PTPRA: variants seen among roughly 807,000 people sequenced by gnomAD.
The protein encoded by PTPRA is protein tyrosine phosphatase receptor type A.
Under a neutral mutation model 104.8 loss-of-function variants are expected in PTPRA, and 25 were observed. The ratio of observed to expected loss-of-function variants is 0.24; its 90% CI spans 0.17 to 0.33. PTPRA has a LOEUF of 0.33. Among genes scored for constraint, PTPRA ranks in the 10% least tolerant of loss-of-function variants. The pLI, the probability that PTPRA is intolerant of heterozygous loss-of-function variation, is 1.00. For synonymous variants in PTPRA, 323 were observed against 368.9 expected (o/e 0.88, Z 1.43); for missense variants, 765 against 1,015.3 (o/e 0.75, Z 3.35).
At chr20:3,027,632 C>G in intron 19 of PTPRA, 75 bp from the exon 20 acceptor site, 3 of 1,547,218 alleles carry the variant, frequency 1.9e-6, no homozygotes, top group Non-Finnish European at 2.6e-6. Flanking sequence ...CCATTCCCTT[C>G]TAGTGGTCTG....
intron 9 of PTPRA, among the ~76,000 whole-genome samples, chr20:3,003,873 A>G (rs1038747295): frequency 5.3e-5 from 8 of 151,340 alleles, no homozygotes; most frequent in African/African-American, 1.7e-4. Flanking sequence ...TTTTGAATAT[A>G]TGAAACATAC....
intron 2 of PTPRA, among the ~76,000 whole-genome samples, chr20:2,938,190 T>C (rs888674894): frequency 2.6e-5 from 4 of 152,044 alleles, no homozygotes; most frequent in South Asian, 2.1e-4. Context: ...TGTTTTTGTT[T>C]TTTCCTTTTT....
At chr20:2,981,455 T>C (rs2062669185) in intron 6 of PTPRA, among the ~76,000 whole-genome samples, 1 of 152,194 alleles carries the variant, frequency 6.6e-6, no homozygotes. Flanking sequence ...GGGAATTTGC[T>C]ACAGACATCT....
intron 1 of PTPRA, among the ~76,000 whole-genome samples, chr20:2,909,772 TATAAG>T (rs1186745241): frequency 3.7e-5 from 5 of 136,604 alleles, no homozygotes; most frequent in African/African-American, 1.1e-4. Context: ...TAATATATAT[TATAAG>T]ATAATATAAT....
intron 7 of PTPRA, among the ~76,000 whole-genome samples, chr20:2,987,153 T>C (rs751995352): frequency 5.9e-5 from 9 of 152,046 alleles, no homozygotes; most frequent in Admixed American, 5.9e-4. Flanking sequence ...CAGTTTGTTA[T>C]TAGTGACAGG....
intron 6 of PTPRA, among the ~76,000 whole-genome samples, chr20:2,983,395 T>C (rs2062768314): frequency 6.6e-6 from 1 of 152,092 alleles, no homozygotes; most frequent in African/African-American, 2.4e-5. Flanking sequence ...GATTTCATTC[T>C]GAGGCATGAG....
intron 1 of PTPRA, among the ~76,000 whole-genome samples, chr20:2,921,991 TAGC>T (rs2060114842): frequency 6.6e-6 from 1 of 152,148 alleles, no homozygotes; most frequent in South Asian, 2.1e-4. Flanking sequence ...GTAAGATGCT[TAGC>T]AGCATCCTAG....
Position 3,035,701 on chromosome 20 carries a change from C to T in PTPRA, c.2037C>T (p.Thr679=). 6.2e-7 allele frequency: 1 copy of T among 1,614,164 alleles called. No individual in the cohort carries two copies. The change falls in exon 21 of 24, where the codon ACC becomes ACT. Residue 679 remains threonine (T), a synonymous_variant. Transcript: ENST00000399903. The surrounding 1 kb of genome is among the most constrained non-coding windows in gnomAD (Gnocchi z 5.8). ...ACACCGTCCGAGACCTCCTGGTCAC[C>T]AACACCAGGGTAAGATGGGTCGTGG... ...ESYTVRDLLV[T]NTRENKSRQI...
intron 9 of PTPRA, among the ~76,000 whole-genome samples, chr20:2,997,600 C>T (rs2148230018): frequency 6.6e-6 from 1 of 152,232 alleles, no homozygotes; most frequent in South Asian, 2.1e-4. Flanking sequence ...ATGTGACAGG[C>T]TAAAAGGAGA....
intron 1 of PTPRA, among the ~76,000 whole-genome samples, chr20:2,898,266 GA>G (rs369247217): frequency 0.027 from 4,088 of 151,284 alleles, 158 homozygotes; most frequent in African/African-American, 0.085. Flanking sequence ...ATTTTTAGTA[GA>G]GACGGGGTTT....
chr20:3,011,938 C>G (rs1261995747), intron 11 of PTPRA, among the ~76,000 whole-genome samples: 12 of 152,196 alleles, frequency 7.9e-5, no homozygotes, highest in Admixed American at 2.6e-4. Context: ...ACCGTGCTTG[C>G]CCAAAGACCA....
At chr20:2,884,464 C>T (rs2090255273) in intron 1 of PTPRA, among the ~76,000 whole-genome samples, 1 of 152,124 alleles carries the variant, frequency 6.6e-6, no homozygotes, top group African/African-American at 2.4e-5. Flanking sequence ...TGATTATAGC[C>T]ATCTTAGTGG....
chr20:2,941,805 C>G (rs1160664424), intron 2 of PTPRA, among the ~76,000 whole-genome samples: 1 of 152,148 alleles, frequency 6.6e-6, no homozygotes, highest in African/African-American at 2.4e-5. Context: ...CTCCTTAATG[C>G]CTCCCTGATT....
Position 2,964,287 on chromosome 20 carries a change from T to G in PTPRA, c.10T>G (p.Trp4Gly), listed in dbSNP as rs41281232. ...TATTTTCCAGATAAGCATGGATTCC[T>G]GGTTCATTCTTGTTCTGCTCGGCAG... is the stretch of plus-strand genomic sequence containing the variant. MDS[W>G]FILVLLGSGL... is the part of the protein sequence containing the mutation. Residue 4 changes from tryptophan to glycine, a missense_variant, in exon 4 of 24, where the codon TGG (tryptophan) becomes GGG (glycine). Trp to Gly is a radical substitution (Grantham distance 184). This residue lies in a region of PTPRA where 256 missense variants were observed against 248.9 expected (regional missense o/e 1.03). Transcript: ENST00000399903. 72 of 1,610,752 alleles carry G rather than the reference T, an allele frequency of 4.5e-5. No individual in the cohort carries two copies. The highest frequency in any genetic ancestry group is 6.0e-5 in the Non-Finnish European group (71 of 1,178,504).
intron 9 of PTPRA, among the ~76,000 whole-genome samples, chr20:2,992,125 A>T (rs918870554): frequency 1.3e-5 from 2 of 152,198 alleles, no homozygotes; most frequent in Non-Finnish European, 2.9e-5. Context: ...CTATTGCGGC[A>T]GTGGGTTGTG....
chr20:3,010,823 A>G (rs1308093277), intron 11 of PTPRA, among the ~76,000 whole-genome samples: 1 of 152,134 alleles, frequency 6.6e-6, no homozygotes, highest in Non-Finnish European at 1.5e-5. Flanking sequence ...TGGCTAGGAC[A>G]TTGAGAATGA....
chr20:2,976,834 A>G (rs537344689), intron 6 of PTPRA, among the ~76,000 whole-genome samples: 3 of 152,320 alleles, frequency 2.0e-5, no homozygotes, highest in Non-Finnish European at 2.9e-5. Context: ...ATTAGGGGCT[A>G]CCTGTTTTTA....
At position 2,953,159 on chromosome 20, in the gene PTPRA, A is replaced by G. The variant is rs369796612; in HGVS notation, c.-7+5135A>G. ...TTTCTATAGTAGTGGTACCATTTAC[A>G]TTCCAACCAGCAGTGTTCAGGGTTC... is the stretch of plus-strand genomic sequence containing the variant. On this transcript the variant is annotated intron_variant, in intron 3 of 23. Coordinates refer to ENST00000399903, the MANE Select transcript of PTPRA (RefSeq NM_001385305.1). 1.1e-4 allele frequency among the ~76,000 whole-genome samples: 16 copies of G among 152,292 alleles called. No individual in the cohort carries two copies. In the East Asian group the frequency reaches 1.7e-3, roughly 17 times the overall value.
intron 11 of PTPRA, among the ~76,000 whole-genome samples, chr20:3,012,494 G>T (rs967124346): frequency 6.6e-6 from 1 of 152,234 alleles, no homozygotes; most frequent in Non-Finnish European, 1.5e-5. Flanking sequence ...TAATAAAGGA[G>T]TGGGCCAAGA....
Sources: gnomAD v4.1 joint callset for allele counts (sites outside exome capture counted in the v4.1 genomes callset) on GRCh38, gnomAD v4.1.1 for gene constraint, gnomAD v4.1.1 regional missense constraint, Gnocchi (gnomAD v3.1) non-coding constraint, MANE v1.5 for transcripts, NCBI Gene and HGNC (gene_info 2026-07-23, HGNC 2026-07-21) for gene names.